Variants in SYT11 observed in about 807,000 individuals in gnomAD.
SYT11 encodes synaptotagmin-11.
A neutral mutation model predicts 30.4 loss-of-function variants in SYT11; 12 were observed. The ratio of observed to expected loss-of-function variants is 0.39; its 90% confidence interval spans 0.25 to 0.64. The LOEUF is 0.64. Among genes scored for constraint, SYT11 ranks in the 30% least tolerant of loss-of-function variants. SYT11 has a pLI of 0.45. For missense variants in SYT11, 412 were observed against 552.0 expected (o/e 0.75, Z 2.54); for synonymous variants, 204 against 216.0 (o/e 0.94, Z 0.49).
intron 3 of SYT11, 138 bp from the exon 4 acceptor site, chr1:155,881,060 C>A: frequency 1.1e-6 from 1 of 936,858 alleles, no homozygotes; most frequent in Non-Finnish European, 1.6e-6. Flanking sequence ...ATTGTGCAAT[C>A]ACTAAAGAAC....
At chr1:155,864,708 C>CTTTTTTTTT (rs773089384) in intron 1 of SYT11, among the ~76,000 whole-genome samples, 1 of 128,274 alleles carries the variant, frequency 7.8e-6, no homozygotes. Flanking sequence ...TGACTCAATC[C>CTTTTTTTTT]TTTTTTTTTT....
Position 155,880,611 on chromosome 1 carries a change from G to C in SYT11, c.973G>C (p.Gly325Arg). ...ACACTTGCCGAAGATGGATATCACC[G>C]GTCTCTCAGGTAGCAGCTATTTACT... ...ARHLPKMDIT[G>R]LSGNPYVKVN... Residue 325 changes from glycine (G) to arginine (R), a missense_variant, in exon 3 of 4, where the codon GGT becomes CGT. By Grantham distance (125) the Gly-to-Arg change is moderately radical. Coordinates refer to ENST00000368324, the MANE Select transcript of SYT11 (RefSeq NM_152280.5). 6.2e-7 allele frequency: 1 copy of C among 1,613,878 alleles called. No individual in the cohort carries two copies. Among genetic ancestry groups the C allele is most frequent in the Non-Finnish European group, 8.5e-7 (1 of 1,179,864 alleles).
chr1:155,867,121 G>A (rs1439196243), intron 1 of SYT11, among the ~76,000 whole-genome samples: 6 of 151,060 alleles, frequency 4.0e-5, no homozygotes, highest in Non-Finnish European at 7.4e-5. Context: ...GCAGTGGCAC[G>A]ATCTCAGCTC....
At chr1:155,877,972 G>A (rs1672895197) in intron 2 of SYT11, among the ~76,000 whole-genome samples, 1 of 152,180 alleles carries the variant, frequency 6.6e-6, no homozygotes, top group Admixed American at 6.5e-5. Flanking sequence ...GCCAGGCATG[G>A]TGGCTTACAC....
chr1:155,881,103 G>C, intron 3 of SYT11, 95 bp from the exon 4 acceptor site: 1 of 1,331,036 alleles, frequency 7.5e-7, no homozygotes, highest in Non-Finnish European at 1.0e-6. Context: ...ACGAACAACA[G>C]AGCCCCCCCT....
chr1:155,871,054 A>C (rs1672774700), intron 2 of SYT11, among the ~76,000 whole-genome samples: 1 of 152,202 alleles, frequency 6.6e-6, no homozygotes. Flanking sequence ...TCACTCTGAA[A>C]GAGGTTCTGC....
In SYT11 at chr1:155,880,566, G is replaced by T. The variant is rs778798535; in HGVS notation, c.928G>T (p.Val310Leu). Residue 310 changes from valine to leucine, a missense_variant, in exon 3 of 4, where the codon GTG (valine) becomes TTG (leucine). Coordinates refer to ENST00000368324, the MANE Select transcript of SYT11 (RefSeq NM_152280.5). ...SYQPVAQRMT[V>L]VVLKARHLPK... Reference sequence around the variant, plus strand: ...TCAGCCTGTGGCACAGAGAATGACAGTGGTGGTCCTCAAAGCCAGACACTT... The same window carrying T: ...TCAGCCTGTGGCACAGAGAATGACATTGGTGGTCCTCAAAGCCAGACACTT... The T allele has an allele frequency of 6.2e-7, 1 of 1,614,124 alleles. No homozygotes were observed. The highest frequency in any genetic ancestry group is 1.7e-5 in the Admixed American group (1 of 60,022).
At chr1:155,872,190 G>A (rs1411075196) in intron 2 of SYT11, among the ~76,000 whole-genome samples, 1 of 152,200 alleles carries the variant, frequency 6.6e-6, no homozygotes, top group East Asian at 1.9e-4. Context: ...GGAGTTTGAG[G>A]TTGCAGTGAG....
In SYT11 at chr1:155,881,861, T is replaced by G. The variant is rs1672969764; in HGVS notation, c.*353T>G. The G allele has an allele frequency of 1.2e-5, 2 of 161,162 alleles. No individual in the cohort carries two copies. The highest frequency in any genetic ancestry group is 4.8e-5 in the African/African-American group (2 of 41,714). 10.0% of individuals were successfully genotyped at this position (161,162 alleles called of 1,614,324 possible). A position where few individuals can be genotyped will look rare whatever the true frequency, so the allele number is the denominator to read the frequency against. On this transcript the variant is annotated 3_prime_UTR_variant, in exon 4 of 4. Transcript: ENST00000368324. ...CTCCTCCCTCAGCCTCCCAAGTAGCTGGGATTACAGGCACCCACGAGCATG... is the reference window on the plus strand; with the variant it reads ...CTCCTCCCTCAGCCTCCCAAGTAGCGGGGATTACAGGCACCCACGAGCATG...
chr1:155,875,051 G>T (rs983488788), intron 2 of SYT11, among the ~76,000 whole-genome samples: 1 of 148,946 alleles, frequency 6.7e-6, no homozygotes, highest in African/African-American at 2.5e-5. Context: ...TCAGGAGTTT[G>T]AGACTAGCCT....
intron 2 of SYT11, among the ~76,000 whole-genome samples, chr1:155,874,422 A>C (rs1386302230): frequency 6.6e-6 from 1 of 152,108 alleles, no homozygotes; most frequent in Admixed American, 6.5e-5. Flanking sequence ...CAACATAGCA[A>C]AACCCCATCT....
Position 155,868,512 on chromosome 1 carries a change from T to C in SYT11, c.582T>C (p.Ser194=), listed in dbSNP as rs1205473667. 6.2e-7 allele frequency: 1 copy of C among 1,614,164 alleles called. No homozygotes were observed. Among genetic ancestry groups the C allele is most frequent in the Non-Finnish European group, 8.5e-7 (1 of 1,180,002 alleles). The change falls in exon 2 of 4, where the codon TCT becomes TCC. Residue 194 remains serine, a synonymous_variant. Coordinates refer to ENST00000368324, the MANE Select transcript of SYT11 (RefSeq NM_152280.5). This position sits in a 1 kb window ranked among gnomAD's most constrained non-coding sequence, Gnocchi z 4.7. ...LPVMDDQTQG[S]DPYIKMTILP... is the part of the protein sequence containing the mutation. ...TGATGGATGACCAGACCCAGGGATCTGACCCCTACATCAAAATGACCATCC... is the reference window on the plus strand; with the variant it reads ...TGATGGATGACCAGACCCAGGGATCCGACCCCTACATCAAAATGACCATCC...
At chr1:155,869,396 G>A (rs1392366250) in intron 2 of SYT11, among the ~76,000 whole-genome samples, 2 of 143,936 alleles carry the variant, frequency 1.4e-5, no homozygotes, top group African/African-American at 2.6e-5. Flanking sequence ...TCAGCCTCCC[G>A]AGTAGCTGGG....
intron 2 of SYT11, among the ~76,000 whole-genome samples, chr1:155,873,436 A>C (rs1672809865): frequency 6.6e-6 from 1 of 152,208 alleles, no homozygotes; most frequent in Admixed American, 6.5e-5. Flanking sequence ...AAAAAAAGAA[A>C]TAATGAAACG....
At chr1:155,866,908 A>G (rs899187329) in intron 1 of SYT11, among the ~76,000 whole-genome samples, 1 of 152,000 alleles carries the variant, frequency 6.6e-6, no homozygotes, top group South Asian at 2.1e-4. Flanking sequence ...ATACATAAAT[A>G]CATATATATA....
intron 2 of SYT11, among the ~76,000 whole-genome samples, chr1:155,869,710 C>T (rs1037257889): frequency 2.6e-5 from 4 of 152,118 alleles, no homozygotes; most frequent in African/African-American, 4.8e-5. Context: ...AGAAGAGGGA[C>T]GAGGGCCCTC....
intron 1 of SYT11, 108 bp downstream of exon 1, chr1:155,859,903 G>A (rs1305994011): frequency 3.6e-6 from 4 of 1,103,474 alleles, no homozygotes; most frequent in Non-Finnish European, 5.6e-6. Flanking sequence ...CCTTCAAAAT[G>A]CCAGCCCCAC....
Position 155,868,398 on chromosome 1 carries a change from C to T in SYT11, c.468C>T (p.Val156=). The T allele has an allele frequency of 6.2e-7, 1 of 1,613,946 alleles. No homozygotes were observed. Among genetic ancestry groups the T allele is most frequent in the South Asian group, 1.1e-5 (1 of 91,066 alleles). Residue 156 remains valine, a synonymous_variant, in exon 2 of 4, where the codon GTC becomes GTT. Coordinates refer to ENST00000368324, the MANE Select transcript of SYT11 (RefSeq NM_152280.5). The surrounding 1 kb of genome is among the most constrained non-coding windows in gnomAD (Gnocchi z 4.7). ...TTSPSSPEED[V]MLGSLTFSVD... is the part of the protein sequence containing the mutation. ...CTCCATCATCTCCAGAGGAGGATGT[C>T]ATGCTAGGATCCCTCACCTTCTCAG...
rs1168553327 is a variant in SYT11, at chr1:155,883,318, G to C, written c.*1810G>C. 6.6e-6 allele frequency: 1 copy of C among 152,368 alleles called. No homozygotes were observed. Among genetic ancestry groups the C allele is most frequent in the Non-Finnish European group, 1.5e-5 (1 of 68,156 alleles). The allele number at this position is 152,368 out of a possible 1,614,324, so 9.4% of individuals were successfully genotyped here. ...GGAGGCCGAGGTGGAAAGATCGCTT[G>C]AGCCCAGGAGTTCAAGACCAGCCTG... On this transcript the variant is annotated 3_prime_UTR_variant, in exon 4 of 4. Transcript: ENST00000368324.
Sources: allele counts gnomAD v4.1 joint callset (sites outside exome capture counted in the v4.1 genomes callset), GRCh38; gene constraint gnomAD v4.1.1; non-coding constraint Gnocchi (gnomAD v3.1); transcripts MANE v1.5; gene names NCBI Gene and HGNC (gene_info 2026-07-23, HGNC 2026-07-21).